The following KIAA1217 variants were observed in gnomAD, a reference collection of about 807,000 sequenced individuals.
KIAA1217 encodes the protein sickle tail protein homolog.
In KIAA1217, 88 loss-of-function variants were observed where a neutral mutation model predicts 163.9. The observed-to-expected ratio is 0.54, with a 90% CI of 0.45 to 0.64. KIAA1217 has a LOEUF of 0.64. Among genes scored for constraint, KIAA1217 ranks in the 30% least tolerant of loss-of-function variants. The pLI is 0.00. For missense variants in KIAA1217, 2,372 were observed against 2,475.0 expected (o/e 0.96, Z 0.88); for synonymous variants, 903 against 923.1 (o/e 0.98, Z 0.39).
intron 1 of KIAA1217, among the ~76,000 whole-genome samples, chr10:23,801,394 G>T (rs1276536855): frequency 2.6e-5 from 4 of 152,170 alleles, no homozygotes; most frequent in Non-Finnish European, 5.9e-5. Context: ...GATGATGGGT[G>T]CAGAAAACCA....
At chr10:24,077,032 A>G (rs1405595523) in intron 2 of KIAA1217, among the ~76,000 whole-genome samples, 2 of 151,906 alleles carry the variant, frequency 1.3e-5, no homozygotes, top group Non-Finnish European at 2.9e-5. Flanking sequence ...ATGCACCACC[A>G]TGCCTGGCTA....
chr10:24,448,003 G>C (rs937395758), intron 5 of KIAA1217, among the ~76,000 whole-genome samples: 2 of 152,022 alleles, frequency 1.3e-5, no homozygotes, highest in African/African-American at 4.8e-5. Flanking sequence ...GGTGGCGCGT[G>C]CCTATAGTCC....
chr10:23,869,126 T>TG lies in KIAA1217; in HGVS notation c.-320-138099_-320-138098insG, dbSNP rs1243355182. Among the ~76,000 whole-genome samples, 9 of 120,508 alleles carry TG rather than the reference T, an allele frequency of 7.5e-5. No individual in the cohort carries two copies. In the East Asian group the frequency reaches 1.3e-3, roughly 18 times the overall value. 79.1% of individuals were successfully genotyped at this position (120,508 alleles called of 152,430 possible). A position where few individuals can be genotyped will look rare whatever the true frequency, so the allele number is the denominator to read the frequency against. Reference sequence around the variant, plus strand: ...GTAACGTGCAATCATGAAATGTAGTTTTTTTTTTTTTTTTTTTTTTTTTTT... The same window carrying TG: ...GTAACGTGCAATCATGAAATGTAGTTGTTTTTTTTTTTTTTTTTTTTTTTTT... On this transcript the variant is annotated intron_variant, in intron 1 of 18. Transcript: ENST00000376462.
intron 2 of KIAA1217, among the ~76,000 whole-genome samples, chr10:24,133,558 C>T (rs1276184426): frequency 1.4e-5 from 2 of 147,500 alleles, no homozygotes; most frequent in African/African-American, 2.5e-5. Flanking sequence ...GGCGACAGAG[C>T]GAGACTGTGT....
At chr10:24,226,821 T>C (rs2130993702) in intron 2 of KIAA1217, among the ~76,000 whole-genome samples, 1 of 152,302 alleles carries the variant, frequency 6.6e-6, no homozygotes, top group East Asian at 1.9e-4. Flanking sequence ...CTCACAGTTG[T>C]GGTCACTGTG....
At chr10:24,088,483 C>G (rs1589447326) in intron 2 of KIAA1217, among the ~76,000 whole-genome samples, 1 of 97,646 alleles carries the variant, frequency 1.0e-5, no homozygotes. Flanking sequence ...GTGTGATGTT[C>G]CCCTTCCTGT....
At chr10:23,734,663 T>A (rs11013678) in intron 1 of KIAA1217, among the ~76,000 whole-genome samples, 9,319 of 152,122 alleles carry the variant, frequency 0.061, 870 homozygotes, top group African/African-American at 0.21. Context: ...TTGGATTTTT[T>A]TAAAAAATAT....
chr10:23,804,038 A>G (rs1283032721), intron 1 of KIAA1217, among the ~76,000 whole-genome samples: 1 of 152,252 alleles, frequency 6.6e-6, no homozygotes, highest in Non-Finnish European at 1.5e-5. Flanking sequence ...ACATCATCAT[A>G]TAAATGTAAA....
At chr10:23,990,988 C>T (rs1846194143) in intron 1 of KIAA1217, among the ~76,000 whole-genome samples, 1 of 152,146 alleles carries the variant, frequency 6.6e-6, no homozygotes, top group Admixed American at 6.5e-5. Flanking sequence ...GACAATAGAA[C>T]TTGGAACCTA....
chr10:23,935,966 T>G (rs1843508893), intron 1 of KIAA1217, among the ~76,000 whole-genome samples: 1 of 152,170 alleles, frequency 6.6e-6, no homozygotes, highest in Non-Finnish European at 1.5e-5. Flanking sequence ...CAAAAGAGAC[T>G]GCAAGGTAGA....
intron 5 of KIAA1217, among the ~76,000 whole-genome samples, chr10:24,455,962 T>C (rs548788540): frequency 5.9e-5 from 9 of 152,298 alleles, no homozygotes; most frequent in African/African-American, 2.2e-4. Context: ...AGTGGTTCAC[T>C]GCAACCTCCG....
chr10:24,269,497 T>C (rs968358498), intron 2 of KIAA1217, among the ~76,000 whole-genome samples: 4 of 152,116 alleles, frequency 2.6e-5, no homozygotes, highest in Admixed American at 2.6e-4. Context: ...GTACTCCAGC[T>C]TGGGCAACAG....
chr10:23,818,499 G>T (rs979037174), intron 1 of KIAA1217, among the ~76,000 whole-genome samples: 1 of 151,650 alleles, frequency 6.6e-6, no homozygotes. Flanking sequence ...CAGATTCCCT[G>T]TTGGTAGTAG....
chr10:24,101,055 CAAAACAAAACA>C (rs148139915), intron 2 of KIAA1217, among the ~76,000 whole-genome samples: 1,685 of 152,072 alleles, frequency 0.011, 17 homozygotes, highest in African/African-American at 0.038. Context: ...CTCAACAAAA[CAAAACAAAACA>C]AAAACAAAAC....
intron 2 of KIAA1217, among the ~76,000 whole-genome samples, chr10:24,332,377 A>G (rs182620762): frequency 5.3e-5 from 8 of 152,340 alleles, no homozygotes; most frequent in African/African-American, 1.7e-4. Context: ...TGTATGTAAC[A>G]GGAGGTGAAG....
At chr10:24,173,742 G>T (rs1388044173) in intron 2 of KIAA1217, among the ~76,000 whole-genome samples, 1 of 152,090 alleles carries the variant, frequency 6.6e-6, no homozygotes, top group East Asian at 1.9e-4. Context: ...AATACTGCCT[G>T]GTCCATAGGA....
chr10:24,014,729 T>C (rs1482721246), intron 2 of KIAA1217, among the ~76,000 whole-genome samples: 2 of 152,176 alleles, frequency 1.3e-5, no homozygotes, highest in African/African-American at 4.8e-5. Flanking sequence ...TGGAAAAAAT[T>C]AGTGTTTTTG....
intron 3 of KIAA1217, among the ~76,000 whole-genome samples, chr10:24,421,378 A>G (rs773624148): frequency 6.6e-6 from 1 of 152,188 alleles, no homozygotes; most frequent in Non-Finnish European, 1.5e-5. Flanking sequence ...AATCCTATAT[A>G]TTGATCCTGT....
At chr10:24,039,471 C>G (rs1848535729) in intron 2 of KIAA1217, among the ~76,000 whole-genome samples, 4 of 152,136 alleles carry the variant, frequency 2.6e-5, no homozygotes, top group African/African-American at 9.7e-5. Context: ...GCCACACCCC[C>G]TTGTCAGCCA....
Sources: allele counts gnomAD v4.1 joint callset (sites outside exome capture counted in the v4.1 genomes callset), GRCh38; gene constraint gnomAD v4.1.1; transcripts MANE v1.5; gene names NCBI Gene and HGNC (gene_info 2026-07-23, HGNC 2026-07-21).